CDH22: variants seen among roughly 807,000 people sequenced by gnomAD.
The protein encoded by CDH22 is cadherin 22.
In CDH22, 30 loss-of-function variants were observed where a neutral mutation model predicts 58.4. The observed-to-expected ratio is 0.51, with a 90% CI of 0.38 to 0.70. The LOEUF (loss-of-function observed/expected upper bound fraction) is 0.70. CDH22 is among the 30% of genes least tolerant of loss of function. The probability of loss-of-function intolerance (pLI) is 0.00; values close to 1 mark genes in which losing one functional copy is unlikely to be tolerated. For synonymous variants in CDH22, 513 were observed against 558.2 expected (o/e 0.92, Z 1.14); for missense variants, 1,014 against 1,233.9 (o/e 0.82, Z 2.67).
intron 2 of CDH22, among the ~76,000 whole-genome samples, chr20:46,247,251 G>C (rs2086336893): frequency 6.6e-6 from 1 of 152,126 alleles, no homozygotes; most frequent in Non-Finnish European, 1.5e-5. Flanking sequence ...CTAGGTTCTT[G>C]ACAAATGCTA....
At chr20:46,179,480 G>T (rs1222613335) in intron 10 of CDH22, among the ~76,000 whole-genome samples, 1 of 152,200 alleles carries the variant, frequency 6.6e-6, no homozygotes, top group Non-Finnish European at 1.5e-5. Flanking sequence ...GGTCTGACTT[G>T]TGGCCTTTGG....
intron 1 of CDH22, among the ~76,000 whole-genome samples, chr20:46,254,421 G>T (rs916508883): frequency 2.0e-5 from 3 of 151,990 alleles, no homozygotes; most frequent in Non-Finnish European, 4.4e-5. Context: ...CAGGCATGGT[G>T]GTGGGTGCCT....
intron 2 of CDH22, among the ~76,000 whole-genome samples, chr20:46,247,506 AGT>A (rs1419267200): frequency 1.3e-5 from 2 of 152,236 alleles, no homozygotes; most frequent in African/African-American, 2.4e-5. Context: ...CTACTTGCAT[AGT>A]ATTTACACTG....
chr20:46,235,658 G>C (rs1416965270), intron 3 of CDH22, among the ~76,000 whole-genome samples: 2 of 152,150 alleles, frequency 1.3e-5, no homozygotes, highest in Non-Finnish European at 2.9e-5. Flanking sequence ...CATCGTCCTT[G>C]TCTCCTCTGC....
intron 11 of CDH22, among the ~76,000 whole-genome samples, chr20:46,175,603 GCAGGC>G (rs1248271705): frequency 6.6e-6 from 1 of 152,182 alleles, no homozygotes; most frequent in African/African-American, 2.4e-5. Flanking sequence ...CCTGAGAGCT[GCAGGC>G]CAGGTTCCAT....
intron 1 of CDH22, among the ~76,000 whole-genome samples, chr20:46,265,059 C>A (rs143185842): frequency 0.015 from 2,303 of 152,292 alleles, 33 homozygotes; most frequent in African/African-American, 0.034. Flanking sequence ...CCGGTGCCAC[C>A]GGCAGAGCCG....
intron 1 of CDH22, among the ~76,000 whole-genome samples, chr20:46,287,932 G>C (rs1568683754): frequency 6.6e-6 from 1 of 152,080 alleles, no homozygotes; most frequent in Non-Finnish European, 1.5e-5. Flanking sequence ...AGGTTGGAGA[G>C]GAGTGGGCTA....
chr20:46,255,281 G>A (rs1281298664), intron 1 of CDH22, among the ~76,000 whole-genome samples: 1 of 152,022 alleles, frequency 6.6e-6, no homozygotes, highest in African/African-American at 2.4e-5. Flanking sequence ...CAAAGTGCTG[G>A]GATTACAGAT....
chr20:46,303,386 C>T (rs376375256), intron 1 of CDH22, among the ~76,000 whole-genome samples: 4 of 152,180 alleles, frequency 2.6e-5, no homozygotes, highest in Admixed American at 6.5e-5. Context: ...TCTGCTGCCC[C>T]GCCCACTGGC....
intron 11 of CDH22, among the ~76,000 whole-genome samples, chr20:46,176,532 TGATGGGTG>T: frequency 6.6e-6 from 1 of 152,210 alleles, no homozygotes. Flanking sequence ...AGGTAAATGA[TGATGGGTG>T]GATGGACTGA....
At position 46,210,483 on chromosome 20, in the gene CDH22, G is replaced by A. The variant is rs1370698856; in HGVS notation, c.1110C>T (p.Ala370=). Residue 370 remains alanine, a synonymous_variant, in exon 7 of 12, where the codon GCC becomes GCT. Transcript: ENST00000537909. The surrounding 1 kb of genome is among the most constrained non-coding windows in gnomAD (Gnocchi z 4.5). ...ALNKFVDPRF[A]DLGTFRDQAI... Reference sequence around the variant, plus strand: ...CCTGGTCGCGGAACGTGCCCAGGTCGGCGAAGCGGGGGTCCACGAACTTGT... The same window carrying A: ...CCTGGTCGCGGAACGTGCCCAGGTCAGCGAAGCGGGGGTCCACGAACTTGT... 2 of 1,432,728 alleles carry A rather than the reference G, an allele frequency of 1.4e-6. No homozygotes were observed. The highest frequency in any genetic ancestry group is 1.5e-5 in the African/African-American group (1 of 67,146). 88.8% of individuals were successfully genotyped at this position (1,432,728 alleles called of 1,614,324 possible). A position where few individuals can be genotyped will look rare whatever the true frequency, so the allele number is the denominator to read the frequency against.
At chr20:46,253,130 A>C (rs1410068806) in intron 1 of CDH22, among the ~76,000 whole-genome samples, 1 of 152,170 alleles carries the variant, frequency 6.6e-6, no homozygotes, top group Non-Finnish European at 1.5e-5. Context: ...AAGTGGCCTA[A>C]CTCTAGGGAG....
intron 4 of CDH22, among the ~76,000 whole-genome samples, chr20:46,224,099 C>T (rs527873362): frequency 5.3e-5 from 8 of 152,244 alleles, no homozygotes; most frequent in East Asian, 1.9e-4. Flanking sequence ...GTGATCCACC[C>T]GCTTCGGCCT....
intron 1 of CDH22, among the ~76,000 whole-genome samples, chr20:46,267,497 G>C (rs2086466781): frequency 6.6e-6 from 1 of 152,210 alleles, no homozygotes; most frequent in Admixed American, 6.5e-5. Context: ...CAAGAAGAGA[G>C]GTGGCTTGCT....
chr20:46,210,028 G>GCAGTGCC lies in CDH22; in HGVS notation c.1286+272_1286+278dup. 2.7e-6 allele frequency: 1 copy of GCAGTGCC among 367,910 alleles called. No homozygotes were observed. The highest frequency in any genetic ancestry group is 4.9e-6 in the Non-Finnish European group (1 of 204,740). 22.8% of individuals were successfully genotyped at this position (367,910 alleles called of 1,614,324 possible). ...CCAGCAGCGCGGAGACCCCGCCAGT[G>GCAGTGCC]CAGTGCCCGCCTCTGTGTCTGTCCC... On this transcript the variant is annotated intron_variant, in intron 7 of 11. Coordinates refer to ENST00000537909, the MANE Select transcript of CDH22 (RefSeq NM_021248.3). The surrounding 1 kb of genome is among the most constrained non-coding windows in gnomAD (Gnocchi z 4.5).
chr20:46,248,491 G>A (rs942486019), intron 2 of CDH22, among the ~76,000 whole-genome samples: 2 of 152,146 alleles, frequency 1.3e-5, no homozygotes, highest in Non-Finnish European at 2.9e-5. Context: ...TCAGGCTGGG[G>A]TTGACCTCTT....
At chr20:46,243,032 C>A (rs775127604) in intron 2 of CDH22, among the ~76,000 whole-genome samples, 3 of 152,140 alleles carry the variant, frequency 2.0e-5, no homozygotes, top group Non-Finnish European at 4.4e-5. Flanking sequence ...AGAGGAAAAT[C>A]CATTCCGATG....
rs758198752 is a variant in CDH22, at chr20:46,251,154, G to A, written c.141C>T (p.Pro47=). 1 of 1,591,250 alleles carries A rather than the reference G, an allele frequency of 6.3e-7. No individual in the cohort carries two copies. The highest frequency in any genetic ancestry group is 1.1e-5 in the South Asian group (1 of 89,650). ...WAAGTPSPSA[P]GARQDGALGA... The stretch of plus-strand genomic sequence containing the variant: ...CCAGCGCGCCGTCCTGCCGAGCTCC[G>A]GGCGCCGACGGCGAGGGTGTGCCCG... Residue 47 remains proline (P), a synonymous_variant, in exon 2 of 12, where the codon CCC becomes CCT. Transcript: ENST00000537909. The surrounding 1 kb of genome is among the most constrained non-coding windows in gnomAD (Gnocchi z 6.7).
At chr20:46,193,973 G>A (rs919491000) in intron 8 of CDH22, among the ~76,000 whole-genome samples, 2 of 152,130 alleles carry the variant, frequency 1.3e-5, no homozygotes, top group South Asian at 4.1e-4. Context: ...GGGTAACAGA[G>A]TGAGAGCCCC....
Sources: allele counts gnomAD v4.1 joint callset (sites outside exome capture counted in the v4.1 genomes callset), GRCh38; gene constraint gnomAD v4.1.1; non-coding constraint Gnocchi (gnomAD v3.1); transcripts MANE v1.5; gene names NCBI Gene and HGNC (gene_info 2026-07-23, HGNC 2026-07-21).